TTI1: variants seen among roughly 807,000 people sequenced by gnomAD.
TTI1 encodes TELO2-interacting protein 1 homolog.
In TTI1, 52 loss-of-function variants were observed where a neutral mutation model predicts 85.4. The observed-to-expected ratio is 0.61, with a 90% confidence interval of 0.49 to 0.77. The LOEUF (loss-of-function observed/expected upper bound fraction) is 0.77. Among genes scored for constraint, TTI1 ranks in the 30% least tolerant of loss-of-function variants. TTI1 has a pLI of 0.00. For missense variants in TTI1, 1,173 were observed against 1,296.0 expected (o/e 0.91, Z 1.46); for synonymous variants, 512 against 503.9 (o/e 1.02, Z -0.22).
intron 2 of TTI1, among the ~76,000 whole-genome samples, chr20:38,009,396 C>G (rs1466882321): frequency 6.6e-6 from 1 of 152,196 alleles, no homozygotes; most frequent in Non-Finnish European, 1.5e-5. Flanking sequence ...AGGATTTGTC[C>G]TTGCCCTTCT....
At chr20:38,024,884 C>T (rs965687372) in intron 1 of TTI1, among the ~76,000 whole-genome samples, 6 of 152,136 alleles carry the variant, frequency 3.9e-5, no homozygotes, top group Admixed American at 6.5e-5. Flanking sequence ...GGTAGCATCA[C>T]AGGACACCTA....
chr20:37,986,748 CAGAA>C (rs2073195238), intron 7 of TTI1, among the ~76,000 whole-genome samples: 1 of 152,142 alleles, frequency 6.6e-6, no homozygotes, highest in Admixed American at 6.5e-5. Flanking sequence ...TCTTTTCTTC[CAGAA>C]AGAGAGAGAG....
At chr20:37,993,347 C>T (rs1010276709) in intron 7 of TTI1, among the ~76,000 whole-genome samples, 2 of 152,040 alleles carry the variant, frequency 1.3e-5, no homozygotes, top group Non-Finnish European at 1.5e-5. Context: ...GATCAATGTC[C>T]ATTTCTAGAG....
chr20:37,986,631 C>A (rs762435021), intron 7 of TTI1, among the ~76,000 whole-genome samples: 1 of 152,204 alleles, frequency 6.6e-6, no homozygotes, highest in African/African-American at 2.4e-5. Context: ...TCCTCTTTCT[C>A]CAAAGATGAT....
chr20:38,031,305 G>C (rs769260342), intron 1 of TTI1, among the ~76,000 whole-genome samples: 1 of 152,120 alleles, frequency 6.6e-6, no homozygotes, highest in African/African-American at 2.4e-5. Context: ...CAGTCCCTTC[G>C]TACTTTTCTG....
Position 37,983,309 on chromosome 20 carries a change from G to A in TTI1, c.*147C>T, listed in dbSNP as rs2073145685. 2 of 729,412 alleles carry A rather than the reference G, an allele frequency of 2.7e-6. No homozygotes were observed. The highest frequency in any genetic ancestry group is 4.4e-6 in the Non-Finnish European group (2 of 459,296). The allele number at this position is 729,412 out of a possible 1,614,324, so 45.2% of individuals were successfully genotyped here. ...TCCTTCAATCCATTTCTAAGCAGTT[G>A]TGTGATCGATCAATTTATAAATCGA... On this transcript the variant is annotated 3_prime_UTR_variant, in exon 8 of 8. Coordinates refer to ENST00000373447, the MANE Select transcript of TTI1 (RefSeq NM_001303457.2).
chr20:37,984,578 GC>G (rs1428461782), intron 7 of TTI1, among the ~76,000 whole-genome samples: 1 of 152,172 alleles, frequency 6.6e-6, no homozygotes, highest in East Asian at 1.9e-4. Flanking sequence ...GAAGAATGGG[GC>G]CCTCCTGCAG....
At chr20:38,006,758 T>C (rs552326592) in intron 2 of TTI1, among the ~76,000 whole-genome samples, 1 of 152,382 alleles carries the variant, frequency 6.6e-6, no homozygotes, top group South Asian at 2.1e-4. Context: ...ATGTCTTATA[T>C]AGCACTCTGC....
chr20:37,987,402 G>A, intron 7 of TTI1: 1 of 453,870 alleles, frequency 2.2e-6, no homozygotes, highest in South Asian at 1.6e-5. Flanking sequence ...GATGGCTGTT[G>A]AACATACCAA....
intron 1 of TTI1, among the ~76,000 whole-genome samples, chr20:38,026,986 G>A (rs962517703): frequency 6.6e-6 from 1 of 152,104 alleles, no homozygotes; most frequent in Non-Finnish European, 1.5e-5. Context: ...TACCTAGAGG[G>A]ACCACTAAAA....
Position 37,983,603 on chromosome 20 carries a change from G to A in TTI1, c.3123C>T (p.Ser1041=), listed in dbSNP as rs773369398. ...AAAGCTCGTTCAGGAGGAACCAGGT[G>A]GAGTCTGGGTCCACCTTCATCAAGT... ...FLHLMKVDPD[S]TWFLLNELYC... Residue 1041 remains serine, a synonymous_variant, in exon 8 of 8, where the codon TCC becomes TCT. Transcript: ENST00000373447. The A allele has an allele frequency of 2.6e-6, 4 of 1,555,708 alleles. No individual in the cohort carries two copies. The highest frequency in any genetic ancestry group is 4.7e-5 in the East Asian group (2 of 42,820).
chr20:38,022,741 G>C (rs1462092586), intron 1 of TTI1, among the ~76,000 whole-genome samples: 3 of 152,018 alleles, frequency 2.0e-5, no homozygotes, highest in African/African-American at 2.4e-5. Context: ...TCCAGAACTG[G>C]GACAGAGGGA....
chr20:37,990,890 AGTG>A (rs2073255207), intron 7 of TTI1, among the ~76,000 whole-genome samples: 1 of 152,212 alleles, frequency 6.6e-6, no homozygotes, highest in Admixed American at 6.5e-5. Flanking sequence ...GCAGGTTATC[AGTG>A]ACATGACAAC....
At chr20:38,007,050 T>G (rs76394576) in intron 2 of TTI1, among the ~76,000 whole-genome samples, 1 of 152,226 alleles carries the variant, frequency 6.6e-6, no homozygotes, top group African/African-American at 2.4e-5. Flanking sequence ...TAAACCAGCA[T>G]TTTTTTCCAG....
rs769268901 is a variant in TTI1, at chr20:38,013,566, G to C, written c.251C>G (p.Ser84Ter). ...VVECLTFVLS[S>*]TCVKEQELLQ... ...AAGCTCCTGTTCTTTCACACATGTT[G>C]AAGAAAGGACAAATGTGAGGCATTC... The change falls in exon 2 of 8, where the codon TCA becomes TGA. Residue 84 changes from serine (S) to a stop codon, truncating the protein, a stop_gained. Transcript: ENST00000373447. LOFTEE classifies it high-confidence loss of function. 1.9e-6 allele frequency: 3 copies of C among 1,614,214 alleles called. No individual in the cohort carries two copies. The East Asian group carries it at 6.7e-5, about 36-fold the overall frequency.
Position 37,992,795 on chromosome 20 carries a change from C to T in TTI1, c.3086+3580G>A, listed in dbSNP as rs367919400. 2.6e-4 allele frequency among the ~76,000 whole-genome samples: 40 copies of T among 152,284 alleles called. No homozygotes were observed. In the South Asian group the frequency reaches 8.3e-3, roughly 32 times the overall value. On this transcript the variant is annotated intron_variant, in intron 7 of 7. Transcript: ENST00000373447. ...GACAAACAGAAATTTGGGGTGTATG[C>T]TCTCTTTTCAAATTCCTTTCACGTA...
chr20:38,020,968 T>C (rs540170688), intron 1 of TTI1, among the ~76,000 whole-genome samples: 4 of 152,222 alleles, frequency 2.6e-5, no homozygotes, highest in African/African-American at 9.6e-5. Context: ...TGAATATATA[T>C]ATGCTCTATG....
Position 37,999,169 on chromosome 20 carries a change from G to C in TTI1, c.2793+19C>G. On this transcript the variant is annotated intron_variant, in intron 5 of 7. Coordinates refer to ENST00000373447, the MANE Select transcript of TTI1 (RefSeq NM_001303457.2). Reference sequence around the variant, plus strand: ...AACTCTACCCTCACAACAGACCATGGGGGATGCTGGTGCAGTACCTTGAAG... The same window carrying C: ...AACTCTACCCTCACAACAGACCATGCGGGATGCTGGTGCAGTACCTTGAAG... The C allele has an allele frequency of 7.2e-7, 1 of 1,394,106 alleles. No homozygotes were observed. The highest frequency in any genetic ancestry group is 9.4e-7 in the Non-Finnish European group (1 of 1,064,302). The allele number at this position is 1,394,106 out of a possible 1,614,324, so 86.4% of individuals were successfully genotyped here.
At position 38,007,734 on chromosome 20, in the gene TTI1, C is replaced by T. The variant is rs148607705; in HGVS notation, c.2303-1337G>A. Reference sequence around the variant, plus strand: ...TTCATCAAAGAGCATCTGCACAGAGCAAGAGCAGCAGCAGATGGGAGATGA... The same window carrying T: ...TTCATCAAAGAGCATCTGCACAGAGTAAGAGCAGCAGCAGATGGGAGATGA... On this transcript the variant is annotated intron_variant, in intron 2 of 7. Transcript: ENST00000373447. Among the ~76,000 whole-genome samples, 1,216 of 152,322 alleles carry T rather than the reference C, an allele frequency of 8.0e-3. 6 individuals carry two copies. The highest frequency in any genetic ancestry group is 0.023 in the African/African-American group (950 of 41,564).
Sources: gnomAD v4.1 joint callset for allele counts (sites outside exome capture counted in the v4.1 genomes callset) on GRCh38, gnomAD v4.1.1 for gene constraint, MANE v1.5 for transcripts, NCBI Gene and HGNC (gene_info 2026-07-23, HGNC 2026-07-21) for gene names.